Variants in TP63 observed in about 807,000 individuals in gnomAD.
TP63 encodes tumor protein 63.
TP63 carries 17 observed loss-of-function variants against 82.8 expected under a neutral mutation model. That is an observed-to-expected ratio of 0.21 (90% CI 0.14 to 0.31). The LOEUF (loss-of-function observed/expected upper bound fraction) is 0.31, where lower values mean the gene tolerates loss of function less well. Among genes scored for constraint, TP63 ranks in the 10% least tolerant of loss-of-function variants. The probability of loss-of-function intolerance (pLI) is 1.00; values close to 1 mark genes in which losing one functional copy is unlikely to be tolerated. For synonymous variants in TP63, 330 were observed against 321.7 expected (o/e 1.03, Z -0.28); for missense variants, 648 against 895.3 (o/e 0.72, Z 3.52).
chr3:189,668,785 G>T (rs970967636), intron 1 of TP63, among the ~76,000 whole-genome samples: 1 of 152,040 alleles, frequency 6.6e-6, no homozygotes, highest in Non-Finnish European at 1.5e-5. Flanking sequence ...AGTCAAGGCG[G>T]GAGGATTGCC....
intron 3 of TP63, among the ~76,000 whole-genome samples, chr3:189,756,118 T>G (rs539813599): frequency 7.2e-5 from 11 of 152,320 alleles, no homozygotes; most frequent in Non-Finnish European, 1.6e-4. Flanking sequence ...ATTTTCCCCT[T>G]TTCCTTCTTA....
chr3:189,800,904 T>TTTA (rs1408020252), intron 3 of TP63, among the ~76,000 whole-genome samples: 1 of 152,132 alleles, frequency 6.6e-6, no homozygotes, highest in Non-Finnish European at 1.5e-5. Context: ...AGTTTTAAAA[T>TTTA]TTATTTTTAT....
rs920473242 is a variant in TP63, at chr3:189,894,832, A to G, written c.*330A>G. On this transcript the variant is annotated 3_prime_UTR_variant, in exon 14 of 14. Coordinates refer to ENST00000264731, the MANE Select transcript of TP63 (RefSeq NM_003722.5). Reference sequence around the variant, plus strand: ...ATGTTCACCCTTATAGTCTAAGACTATATATATAAATGTATAAATATACAG... The same window carrying G: ...ATGTTCACCCTTATAGTCTAAGACTGTATATATAAATGTATAAATATACAG... The G allele has an allele frequency of 6.7e-6, 2 of 299,780 alleles. No individual in the cohort carries two copies. Among genetic ancestry groups the G allele is most frequent in the African/African-American group, 2.1e-5 (1 of 47,510 alleles). 18.6% of individuals were successfully genotyped at this position (299,780 alleles called of 1,614,324 possible). A position where few individuals can be genotyped will look rare whatever the true frequency, so the allele number is the denominator to read the frequency against.
intron 3 of TP63, among the ~76,000 whole-genome samples, chr3:189,754,791 C>T (rs2108527608): frequency 6.6e-6 from 1 of 152,218 alleles, no homozygotes; most frequent in Non-Finnish European, 1.5e-5. Context: ...CTCTATCAGG[C>T]TCCTAGAGCC....
At chr3:189,808,134 A>G (rs1049518663) in intron 3 of TP63, 138 bp from the exon 4 acceptor site, 62 of 1,424,982 alleles carry the variant, frequency 4.4e-5, no homozygotes, top group Non-Finnish European at 5.6e-5. Context: ...CCAAAAATCA[A>G]CGGTTTTACT....
intron 3 of TP63, among the ~76,000 whole-genome samples, chr3:189,786,504 AAC>A (rs1724615504): frequency 6.6e-6 from 1 of 150,824 alleles, no homozygotes; most frequent in African/African-American, 2.4e-5. Context: ...TACATATACA[AAC>A]ACAAACACAG....
In TP63 at chr3:189,779,589, C is replaced by T. The variant is rs1576937731; in HGVS notation, c.325-28683C>T. On this transcript the variant is annotated intron_variant, in intron 3 of 13. Transcript: ENST00000264731. The stretch of plus-strand genomic sequence containing the variant: ...TTTGCTCTGATATGGAATTCCTGCA[C>T]AATGTTCAGGCATGCGTGCAAGACA... Among the ~76,000 whole-genome samples the T allele has an allele frequency of 2.6e-5, 4 of 152,292 alleles. No individual in the cohort carries two copies. The East Asian group carries it at 7.7e-4, about 29-fold the overall frequency.
At chr3:189,640,565 A>G (rs1306641271) in intron 1 of TP63, among the ~76,000 whole-genome samples, 1 of 152,174 alleles carries the variant, frequency 6.6e-6, no homozygotes, top group Non-Finnish European at 1.5e-5. Flanking sequence ...TTCTTGCTGA[A>G]CAAAAGGCTT....
chr3:189,693,478 T>C (rs1035422817), intron 1 of TP63, among the ~76,000 whole-genome samples: 2 of 152,196 alleles, frequency 1.3e-5, no homozygotes, highest in African/African-American at 4.8e-5. Flanking sequence ...CATGAATCTT[T>C]ATTTGTGGAA....
At chr3:189,786,437 A>G (rs1306030027) in intron 3 of TP63, among the ~76,000 whole-genome samples, 1 of 125,984 alleles carries the variant, frequency 7.9e-6, no homozygotes, top group African/African-American at 3.0e-5. Flanking sequence ...GAAAGACCAG[A>G]CATACCTAAA....
chr3:189,623,534 A>G, the TP63 span, among the ~76,000 whole-genome samples: 3 of 152,216 alleles, frequency 2.0e-5, no homozygotes, highest in African/African-American at 7.2e-5. Context: ...AAAGAAGATC[A>G]TTCTTGATTC....
intron 1 of TP63, among the ~76,000 whole-genome samples, chr3:189,698,161 A>G (rs918582482): frequency 2.6e-5 from 4 of 152,168 alleles, no homozygotes; most frequent in Admixed American, 1.3e-4. Context: ...CATCAGGTTT[A>G]GGTTTTTTGT....
chr3:189,764,769 A>T (rs116166052), intron 3 of TP63, among the ~76,000 whole-genome samples: 15 of 152,160 alleles, frequency 9.9e-5, no homozygotes, highest in Non-Finnish European at 2.2e-4. Context: ...CTCACCACAC[A>T]CTCTTGAAGA....
intron 1 of TP63, among the ~76,000 whole-genome samples, chr3:189,646,808 G>A (rs1218898377): frequency 6.8e-6 from 1 of 147,458 alleles, no homozygotes; most frequent in Non-Finnish European, 1.5e-5. Flanking sequence ...GTAGTTGCTG[G>A]CCACACCCAT....
chr3:189,760,244 A>G (rs1397220328), intron 3 of TP63, among the ~76,000 whole-genome samples: 3 of 152,196 alleles, frequency 2.0e-5, no homozygotes, highest in African/African-American at 4.8e-5. Flanking sequence ...TCCTTTCTGC[A>G]TTAACTCAGA....
chr3:189,641,144 G>A (rs754512553), intron 1 of TP63, among the ~76,000 whole-genome samples: 19 of 152,050 alleles, frequency 1.2e-4, no homozygotes, highest in South Asian at 4.1e-4. Flanking sequence ...TAGTAGTTGA[G>A]TTTGTAGTTT....
intron 4 of TP63, among the ~76,000 whole-genome samples, chr3:189,832,374 T>G (rs1560232499): frequency 1.3e-5 from 2 of 152,156 alleles, no homozygotes; most frequent in African/African-American, 4.8e-5. Context: ...CCAACTTTCC[T>G]TAGTATATAT....
chr3:189,684,338 T>G (rs2108702170), intron 1 of TP63, among the ~76,000 whole-genome samples: 1 of 152,294 alleles, frequency 6.6e-6, no homozygotes, highest in Non-Finnish European at 1.5e-5. Flanking sequence ...TTATAAATGC[T>G]GTGGTGGACA....
rs573615345 is a variant in TP63 at position 189,666,016 on chromosome 3, T to G, written c.62+34439T>G. 2.0e-5 allele frequency among the ~76,000 whole-genome samples: 3 copies of G among 152,152 alleles called. No homozygotes were observed. In the South Asian group the frequency reaches 6.2e-4, roughly 32 times the overall value. On this transcript the variant is annotated intron_variant, in intron 1 of 13. Transcript: ENST00000264731. ...TGGGTACTGATGACTACGATGGATA[T>G]CTAATATCTAACTGAAAATAAATAT...
Sources: allele counts gnomAD v4.1 joint callset (sites outside exome capture counted in the v4.1 genomes callset), GRCh38; gene constraint gnomAD v4.1.1; transcripts MANE v1.5; gene names NCBI Gene and HGNC (gene_info 2026-07-23, HGNC 2026-07-21).